Variants in APC2 observed in about 807,000 individuals in gnomAD.
The protein encoded by APC2 is APC regulator of Wnt signaling pathway 2.
A neutral mutation model predicts 72.5 loss-of-function variants in APC2; 41 were observed. The ratio of observed to expected loss-of-function variants is 0.57; its 90% CI spans 0.44 to 0.73. The LOEUF (loss-of-function observed/expected upper bound fraction) is 0.73. Ranked by LOEUF, APC2 falls within the 30% of genes least tolerant of loss-of-function variation. The pLI is 0.00. For synonymous variants in APC2, 1,898 were observed against 1,612.0 expected (o/e 1.18, Z -4.25); for missense variants, 3,729 against 3,403.4 (o/e 1.10, Z -2.38).
Position 1,468,172 on chromosome 19 carries a change from C to A in APC2, c.4871C>A (p.Ala1624Asp). 6.9e-7 allele frequency: 1 copy of A among 1,452,814 alleles called. No individual in the cohort carries two copies. The highest frequency in any genetic ancestry group is 1.4e-5 in the South Asian group (1 of 72,648). 90.0% of individuals were successfully genotyped at this position (1,452,814 alleles called of 1,614,324 possible). The change falls in exon 15 of 15, where the codon GCC (alanine) becomes GAC (aspartate). Residue 1624 changes from alanine (A) to aspartate (D), a missense_variant. Transcript: ENST00000590469. Reference protein sequence around the residue: ...GGRDSSPSPRAAEELLQRCIS... With the variant: ...GGRDSSPSPRDAEELLQRCIS... ...CGCGACAGCTCGCCCAGCCCGCGGGCCGCGGAGGAGCTTCTGCAGCGGTGC... is the reference window on the plus strand; with the variant it reads ...CGCGACAGCTCGCCCAGCCCGCGGGACGCGGAGGAGCTTCTGCAGCGGTGC...
chr19:1,453,069 G>A lies in APC2; in HGVS notation c.68G>A (p.Ser23Asn). 1 of 1,610,602 alleles carries A rather than the reference G, an allele frequency of 6.2e-7. No homozygotes were observed. The highest frequency in any genetic ancestry group is 1.1e-5 in the South Asian group (1 of 90,684). The part of the protein sequence containing the change: ...RQVEALKAEN[S>N]HLRQELRDNS... The stretch of plus-strand genomic sequence containing the variant: ...GTGGAGGCCTTGAAGGCTGAGAACA[G>A]CCACCTGAGGCAGGAGCTAAGGGAC... Residue 23 changes from serine to asparagine, a missense_variant, in exon 2 of 15, where the codon AGC becomes AAC. Coordinates refer to ENST00000590469, the MANE Select transcript of APC2 (RefSeq NM_005883.3).
At position 1,466,427 on chromosome 19, in the gene APC2, G is replaced by C; in HGVS notation, c.3126G>C (p.Lys1042Asn). Residue 1042 changes from lysine (K) to asparagine (N), a missense_variant, in exon 15 of 15, where the codon AAG becomes AAC. Physicochemically the swap from Lys to Asn is moderately conservative, Grantham distance 94 (BLOSUM62 0). Coordinates refer to ENST00000590469, the MANE Select transcript of APC2 (RefSeq NM_005883.3). ...ACCACCTGAGCAAGGTTCCCGAGAA[G>C]CTGGCGGCTGCCCCGCTGTCTGTGG... ...PADHLSKVPEKLAAAPLSVAS... is the reference protein window; with the variant it reads ...PADHLSKVPENLAAAPLSVAS... The C allele has an allele frequency of 6.3e-7, 1 of 1,597,398 alleles. No homozygotes were observed. The highest frequency in any genetic ancestry group is 8.5e-7 in the Non-Finnish European group (1 of 1,178,960).
upstream of APC2, chr19:1,446,235 C>G (rs867784323): frequency 2.0e-4 from 193 of 977,886 alleles, no homozygotes; most frequent in Middle Eastern, 5.3e-4. This position sits in a 1 kb window ranked among gnomAD's most constrained non-coding sequence, Gnocchi z 6.1. Context: ...CCCGCACCCC[C>G]ACCCTGGCCG....
In APC2 at chr19:1,457,965, C is replaced by A; in HGVS notation, c.1208C>A (p.Ala403Asp). ...GGPEGGGAGS[A>D]PIPIEPQICQ... ...TCTGATCTGGTCCCTGTGCCCACAG[C>A]CCCGATCCCCATCGAGCCGCAGATC... is the stretch of plus-strand genomic sequence containing the variant. Residue 403 changes from alanine to aspartate, a missense_variant and splice_region_variant, in exon 10 of 15, where the codon GCC (alanine) becomes GAC (aspartate). By Grantham distance (126) the Ala-to-Asp change is moderately radical. Coordinates refer to ENST00000590469, the MANE Select transcript of APC2 (RefSeq NM_005883.3). The A allele has an allele frequency of 6.4e-7, 1 of 1,552,802 alleles. No homozygotes were observed. Among genetic ancestry groups the A allele is most frequent in the Admixed American group, 2.0e-5 (1 of 51,116 alleles).
rs770025331 is a variant in APC2 at position 1,455,518 on chromosome 19, G to T, written c.639+18G>T. On this transcript the variant is annotated intron_variant, in intron 6 of 14. Transcript: ENST00000590469. ...GGGCACAGGTGCGGCGGTGGGCGGG[G>T]TGGCGCGGCGGTAGGCGGGGCCCTG... The T allele has an allele frequency of 3.4e-5, 54 of 1,590,770 alleles. No homozygotes were observed. The East Asian group carries it at 1.2e-3, about 35-fold the overall frequency.
In APC2 at chr19:1,469,631, G is replaced by A. The variant is rs2084096872; in HGVS notation, c.6330G>A (p.Arg2110=). The A allele has an allele frequency of 1.6e-6, 2 of 1,226,470 alleles. No individual in the cohort carries two copies. Among genetic ancestry groups the A allele is most frequent in the South Asian group, 2.7e-5 (1 of 36,480 alleles). 76.0% of individuals were successfully genotyped at this position (1,226,470 alleles called of 1,614,324 possible). A position where few individuals can be genotyped will look rare whatever the true frequency, so the allele number is the denominator to read the frequency against. The change falls in exon 15 of 15, where the codon AGG becomes AGA. Residue 2110 remains arginine (R), a synonymous_variant. Coordinates refer to ENST00000590469, the MANE Select transcript of APC2 (RefSeq NM_005883.3). ...TGCCGCACATCAGCGTGGCCCGCAG[G>A]CCCGACGGCGCCGTCCCCGCGGCCC... is the stretch of plus-strand genomic sequence containing the variant. ...ASLPHISVAR[R]PDGAVPAAPA...
At position 1,467,942 on chromosome 19, in the gene APC2, G is replaced by A. The variant is rs1478773326; in HGVS notation, c.4641G>A (p.Glu1547=). ...FTRERPQGRK[E]APAPSKAAPA... is the part of the protein sequence containing the mutation. Reference sequence around the variant, plus strand: ...GGGAGCGTCCGCAGGGCCGGAAGGAGGCCCCTGCCCCGTCCAAGGCTGCAC... The same window carrying A: ...GGGAGCGTCCGCAGGGCCGGAAGGAAGCCCCTGCCCCGTCCAAGGCTGCAC... Residue 1547 remains glutamate, a synonymous_variant, in exon 15 of 15, where the codon GAG becomes GAA. Coordinates refer to ENST00000590469, the MANE Select transcript of APC2 (RefSeq NM_005883.3). The A allele has an allele frequency of 1.3e-6, 2 of 1,586,382 alleles. No homozygotes were observed. Among genetic ancestry groups the A allele is most frequent in the East Asian group, 2.3e-5 (1 of 43,718 alleles).
rs779513117 is a variant in APC2, at chr19:1,465,704, G to A, written c.2403G>A (p.Ala801=). Residue 801 remains alanine, a synonymous_variant, in exon 15 of 15, where the codon GCG becomes GCA. Transcript: ENST00000590469. The stretch of plus-strand genomic sequence containing the variant: ...CCGGGGAGCCAGCCAGCCCTGCCGC[G>A]CTGTCCCTCTTCCTGGGCAGCCCCT... The part of the protein sequence containing the change: ...AATGEPASPA[A]LSLFLGSPFL... 2 of 1,581,184 alleles carry A rather than the reference G, an allele frequency of 1.3e-6. No individual in the cohort carries two copies. Among genetic ancestry groups the A allele is most frequent in the Admixed American group, 1.8e-5 (1 of 55,834 alleles).
In APC2 at chr19:1,468,425, G is replaced by A. The variant is rs1405986614; in HGVS notation, c.5124G>A (p.Arg1708=). 49 of 1,591,798 alleles carry A rather than the reference G, an allele frequency of 3.1e-5. No individual in the cohort carries two copies. The highest frequency in any genetic ancestry group is 4.1e-5 in the Non-Finnish European group (48 of 1,170,156). ...TWLHQAAAAT[R]EASSESDSIL... ...TGCACCAGGCAGCAGCTGCCACGCG[G>A]GAGGCCTCGTCCGAGTCCGACTCCA... The change falls in exon 15 of 15, where the codon CGG becomes CGA. Residue 1708 remains arginine, a synonymous_variant. Transcript: ENST00000590469.
upstream of APC2, among the ~76,000 whole-genome samples, chr19:1,448,081 G>A (rs959663913): frequency 2.6e-5 from 4 of 152,132 alleles, no homozygotes; most frequent in African/African-American, 9.7e-5. Context: ...CAACAAGGCT[G>A]AGCTGAAGCC....
At position 1,466,193 on chromosome 19, in the gene APC2, C is replaced by A. The variant is rs753903218; in HGVS notation, c.2892C>A (p.Pro964=). 22 of 1,559,730 alleles carry A rather than the reference C, an allele frequency of 1.4e-5. No individual in the cohort carries two copies. The highest frequency in any genetic ancestry group is 1.2e-5 in the Non-Finnish European group (14 of 1,163,284). Residue 964 remains proline (P), a synonymous_variant, in exon 15 of 15, where the codon CCC becomes CCA. Coordinates refer to ENST00000590469, the MANE Select transcript of APC2 (RefSeq NM_005883.3). Reference sequence around the variant, plus strand: ...ACCCCAGGTGTGGGCAGCCTCGGCCCAGCCGGCTTGACCTTGACCTGCCCG... The same window carrying A: ...ACCCCAGGTGTGGGCAGCCTCGGCCAAGCCGGCTTGACCTTGACCTGCCCG... The part of the protein sequence containing the change: ...REDPRCGQPR[P]SRLDLDLPGC...
At chr19:1,457,671 C>A in intron 9 of APC2, 3 of 531,334 alleles carry the variant, frequency 5.6e-6, no homozygotes, top group Non-Finnish European at 1.0e-5. Flanking sequence ...GCACTCCAGT[C>A]TGGACAACAG....
chr19:1,452,887 A>T lies in APC2; in HGVS notation c.-18-97A>T. 7.1e-7 allele frequency: 1 copy of T among 1,412,838 alleles called. No individual in the cohort carries two copies. The highest frequency in any genetic ancestry group is 2.6e-4 in the Middle Eastern group (1 of 3,886). The allele number at this position is 1,412,838 out of a possible 1,614,324, so 87.5% of individuals were successfully genotyped here. A position where few individuals can be genotyped will look rare whatever the true frequency, so the allele number is the denominator to read the frequency against. On this transcript the variant is annotated intron_variant, in intron 1 of 14. Coordinates refer to ENST00000590469, the MANE Select transcript of APC2 (RefSeq NM_005883.3). The surrounding 1 kb of genome is among the most constrained non-coding windows in gnomAD (Gnocchi z 5.1). The stretch of plus-strand genomic sequence containing the variant: ...GACCCCCCCCAACCCAGGATCAGGC[A>T]GGACGGCTGGGGCTTAGGTCAGGGG...
At position 1,456,346 on chromosome 19, in the gene APC2, C is replaced by G. The variant is rs2083826044; in HGVS notation, c.758C>G (p.Pro253Arg). 1.2e-6 allele frequency: 2 copies of G among 1,609,346 alleles called. No individual in the cohort carries two copies. Among genetic ancestry groups the G allele is most frequent in the Non-Finnish European group, 8.5e-7 (1 of 1,178,778 alleles). The change falls in exon 8 of 15, where the codon CCC becomes CGC. Residue 253 changes from proline (P) to arginine (R), a missense_variant. Transcript: ENST00000590469. ...AVKSVPVDEDPETEVPTHPED... is the reference protein window; with the variant it reads ...AVKSVPVDEDRETEVPTHPED... ...AAGTCGGTGCCGGTGGACGAGGACC[C>G]CGAGACAGAGGTCCCCACACACCCT... is the stretch of plus-strand genomic sequence containing the variant.
chr19:1,468,377 C>A lies in APC2; in HGVS notation c.5076C>A (p.Gly1692=). The change falls in exon 15 of 15, where the codon GGC becomes GGA. Residue 1692 remains glycine, a synonymous_variant. Transcript: ENST00000590469. ...TGGAGTGGCGCGCCATCCAGGAGGG[C>A]GCCAATTCAATTGTCACGTGGCTGC... ...DSVEWRAIQE[G]ANSIVTWLHQ... 6.3e-7 allele frequency: 1 copy of A among 1,577,486 alleles called. No homozygotes were observed. Among genetic ancestry groups the A allele is most frequent in the Non-Finnish European group, 8.6e-7 (1 of 1,160,206 alleles).
intron 13 of APC2, 59 bp from the exon 14 acceptor site, chr19:1,461,904 G>A: frequency 7.0e-7 from 1 of 1,432,128 alleles, no homozygotes; most frequent in Admixed American, 2.1e-5. Context: ...TGTGAGCGTG[G>A]GAGCCTTTCC....
rs993427860 is a variant in APC2, at chr19:1,469,995, G to A, written c.6694G>A (p.Gly2232Ser). The change falls in exon 15 of 15, where the codon GGT becomes AGT. Residue 2232 changes from glycine to serine, a missense_variant. Transcript: ENST00000590469. ...QLSLLGSDVD[G>S]PSLAKAPISA... ...CTCCCTCCTCGGCAGCGACGTGGACGGTCCCAGCCTCGCCAAGGCTCCCAT... is the reference window on the plus strand; with the variant it reads ...CTCCCTCCTCGGCAGCGACGTGGACAGTCCCAGCCTCGCCAAGGCTCCCAT... 117 of 1,533,690 alleles carry A rather than the reference G, an allele frequency of 7.6e-5. No individual in the cohort carries two copies. Among genetic ancestry groups the A allele is most frequent in the Non-Finnish European group, 9.9e-5 (113 of 1,145,454 alleles).
chr19:1,465,471 C>G lies in APC2; in HGVS notation c.2170C>G (p.Arg724Gly). 1.3e-6 allele frequency: 2 copies of G among 1,530,088 alleles called. No individual in the cohort carries two copies. The highest frequency in any genetic ancestry group is 1.7e-6 in the Non-Finnish European group (2 of 1,143,414). The allele number at this position is 1,530,088 out of a possible 1,614,324, so 94.8% of individuals were successfully genotyped here. ...CVPSLYVRKQRALEAELDARH... is the reference protein window; with the variant it reads ...CVPSLYVRKQGALEAELDARH... ...GCCCAGCCTGTACGTGCGCAAGCAG[C>G]GGGCGCTGGAGGCCGAGCTGGACGC... Residue 724 changes from arginine (R) to glycine (G), a missense_variant, in exon 15 of 15, where the codon CGG becomes GGG. Transcript: ENST00000590469.
chr19:1,450,116 C>T, upstream of APC2: 9 of 984,046 alleles, frequency 9.1e-6, no homozygotes, highest in Non-Finnish European at 1.1e-5. Flanking sequence ...CATCCTCCCC[C>T]GCTCGCGGTG....
Sources: gnomAD v4.1 joint callset for allele counts (sites outside exome capture counted in the v4.1 genomes callset) on GRCh38, gnomAD v4.1.1 for gene constraint, Gnocchi (gnomAD v3.1) non-coding constraint, MANE v1.5 for transcripts, NCBI Gene and HGNC (gene_info 2026-07-23, HGNC 2026-07-21) for gene names.